The following TLK1 variants were observed in gnomAD, a reference collection of about 807,000 sequenced individuals.
TLK1 encodes the protein tousled like kinase 1.
Under a neutral mutation model 105.3 loss-of-function variants are expected in TLK1, and 24 were observed. The observed-to-expected ratio is 0.23, with a 90% CI of 0.17 to 0.32. The LOEUF (loss-of-function observed/expected upper bound fraction) is 0.32, where lower values mean the gene tolerates loss of function less well. Among genes scored for constraint, TLK1 ranks in the 10% least tolerant of loss-of-function variants. TLK1 has a pLI of 1.00. For missense variants in TLK1, 558 were observed against 910.5 expected, an observed-to-expected ratio of 0.61 and a Z score of 4.98; for synonymous variants, 321 against 310.4, an observed-to-expected ratio of 1.03 and a Z score of -0.36.
chr2:170,999,379 ATTTAT>A (rs1429683350), intron 18 of TLK1, among the ~76,000 whole-genome samples: 1 of 152,206 alleles, frequency 6.6e-6, no homozygotes, highest in East Asian at 1.9e-4. Context: ...AAAAAGCTGG[ATTTAT>A]TTTGTCAATA....
chr2:171,118,067 C>T (rs998982105), intron 1 of TLK1, among the ~76,000 whole-genome samples: 3 of 152,194 alleles, frequency 2.0e-5, no homozygotes, highest in Non-Finnish European at 2.9e-5. Context: ...TTGGCTGCAA[C>T]TCACAGAAGA....
chr2:171,168,496 C>A (rs1248348063), intron 1 of TLK1, among the ~76,000 whole-genome samples: 1 of 152,108 alleles, frequency 6.6e-6, no homozygotes, highest in Admixed American at 6.5e-5. Flanking sequence ...GTATTCAGGG[C>A]GCTGTGGCTC....
At chr2:171,083,000 TA>T in intron 2 of TLK1, 148 bp from the exon 3 acceptor site, 1 of 595,614 alleles carries the variant, frequency 1.7e-6, no homozygotes. Context: ...CCAAATGAGG[TA>T]AAAATAAGAA....
intron 1 of TLK1, among the ~76,000 whole-genome samples, chr2:171,199,942 G>C (rs1229140483): frequency 6.6e-6 from 1 of 152,166 alleles, no homozygotes; most frequent in Non-Finnish European, 1.5e-5. Flanking sequence ...ATTAGTAACT[G>C]CTGAGCAGAG....
chr2:171,111,576 T>G lies in TLK1; in HGVS notation c.258+6163A>C, dbSNP rs932918133. Among the ~76,000 whole-genome samples, 69 of 138,438 alleles carry G rather than the reference T, an allele frequency of 5.0e-4. 1 individual carries two copies. Among genetic ancestry groups the G allele is most frequent in the African/African-American group, 1.7e-3 (62 of 36,374 alleles). The allele number at this position is 138,438 out of a possible 152,430, so 90.8% of individuals were successfully genotyped here. ...CTCCAGCCTGGGCGACAAAGTGAGA[T>G]CCTGTATTCAAAAAAAAAAAAAAAA... is the stretch of plus-strand genomic sequence containing the variant. On this transcript the variant is annotated intron_variant, in intron 2 of 20. Coordinates refer to ENST00000431350, the MANE Select transcript of TLK1 (RefSeq NM_012290.5).
intron 11 of TLK1, among the ~76,000 whole-genome samples, chr2:171,029,226 T>C (rs1370492209): frequency 6.6e-6 from 1 of 152,114 alleles, no homozygotes; most frequent in Non-Finnish European, 1.5e-5. Flanking sequence ...GTCAGTCCAG[T>C]TTGGGCAGTT....
chr2:171,120,190 A>G (rs1297206080), intron 1 of TLK1, among the ~76,000 whole-genome samples: 4 of 143,328 alleles, frequency 2.8e-5, no homozygotes, highest in African/African-American at 1.0e-4. Context: ...CAAAGGCTGC[A>G]GTGAATCGAG....
At chr2:171,123,084 A>ACACACG (rs914724293) in intron 1 of TLK1, among the ~76,000 whole-genome samples, 1 of 151,712 alleles carries the variant, frequency 6.6e-6, no homozygotes, top group African/African-American at 2.4e-5. Flanking sequence ...ACACACACAC[A>ACACACG]CACTTCTTTT....
chr2:171,161,340 C>G (rs1692493522), upstream of TLK1, among the ~76,000 whole-genome samples: 1 of 152,052 alleles, frequency 6.6e-6, no homozygotes, highest in African/African-American at 2.4e-5. Flanking sequence ...CTCGGGAGTT[C>G]AATGTGATCG....
At chr2:171,140,871 T>C (rs1431447058) in intron 1 of TLK1, among the ~76,000 whole-genome samples, 3 of 152,116 alleles carry the variant, frequency 2.0e-5, no homozygotes, top group African/African-American at 7.2e-5. Flanking sequence ...CGAATAAGTA[T>C]GCTGAGTAGT....
At chr2:171,214,153 C>T (rs1212118187) in intron 1 of TLK1, among the ~76,000 whole-genome samples, 1 of 151,872 alleles carries the variant, frequency 6.6e-6, no homozygotes, top group East Asian at 2.0e-4. Flanking sequence ...CTGCAGTGAG[C>T]TTTATCAAGC....
chr2:171,050,465 C>CT (rs1224120011), intron 8 of TLK1, among the ~76,000 whole-genome samples: 2 of 152,180 alleles, frequency 1.3e-5, no homozygotes, highest in East Asian at 3.9e-4. Flanking sequence ...GTTCAGCTTT[C>CT]TTATTTCTAA....
At chr2:171,187,077 A>AG (rs1470564082) in intron 1 of TLK1, among the ~76,000 whole-genome samples, 2 of 129,208 alleles carry the variant, frequency 1.5e-5, no homozygotes, top group Admixed American at 8.1e-5. Flanking sequence ...AAAAAAAAAA[A>AG]AAAAAAGAAA....
At chr2:171,120,622 A>G (rs1054983924) in intron 1 of TLK1, among the ~76,000 whole-genome samples, 2 of 152,240 alleles carry the variant, frequency 1.3e-5, no homozygotes, top group Admixed American at 6.5e-5. Context: ...GCTGTTATCA[A>G]AAACTAAAAC....
At chr2:171,208,290 T>A (rs897332065) in intron 1 of TLK1, among the ~76,000 whole-genome samples, 1 of 152,176 alleles carries the variant, frequency 6.6e-6, no homozygotes, top group African/African-American at 2.4e-5. Context: ...TTATTCTCAC[T>A]GTTGTTTAAG....
intron 1 of TLK1, among the ~76,000 whole-genome samples, chr2:171,152,910 T>A (rs73976125): frequency 0.13 from 19,972 of 151,996 alleles, 2,209 homozygotes; most frequent in African/African-American, 0.3. Context: ...ACAAAACTTA[T>A]CTTAAAAAAA....
chr2:171,011,337 A>G (rs755689960), intron 14 of TLK1, 36 bp downstream of exon 14: 26 of 1,555,840 alleles, frequency 1.7e-5, no homozygotes, highest in South Asian at 1.2e-5. Context: ...TCCTTGCTAC[A>G]TTAGTGTAAA....
intron 1 of TLK1, among the ~76,000 whole-genome samples, chr2:171,174,583 C>CA (rs1265111369): frequency 6.6e-6 from 1 of 152,092 alleles, no homozygotes; most frequent in Admixed American, 6.5e-5. Context: ...TATCACTTAT[C>CA]ACTTTGTTTT....
chr2:171,094,286 C>G (rs1689361055), intron 2 of TLK1, among the ~76,000 whole-genome samples: 1 of 151,912 alleles, frequency 6.6e-6, no homozygotes, highest in African/African-American at 2.4e-5. Context: ...ATCCCGTTAA[C>G]ATCAAAATAT....
Sources: gnomAD v4.1 joint callset for allele counts (sites outside exome capture counted in the v4.1 genomes callset) on GRCh38, gnomAD v4.1.1 for gene constraint, MANE v1.5 for transcripts, NCBI Gene and HGNC (gene_info 2026-07-23, HGNC 2026-07-21) for gene names.